CEP170B: variants seen among roughly 807,000 people sequenced by gnomAD.
CEP170B encodes the protein centrosomal protein of 170 kDa protein B.
A neutral mutation model predicts 120.6 loss-of-function variants in CEP170B; 55 were observed. That is an observed-to-expected ratio of 0.46 (90% confidence interval 0.37 to 0.57). CEP170B has a LOEUF of 0.57. Among genes scored for constraint, CEP170B ranks in the 20% least tolerant of loss-of-function variants. The probability of loss-of-function intolerance (pLI) is 0.00; values close to 1 mark genes in which losing one functional copy is unlikely to be tolerated. For synonymous variants in CEP170B, 1,033 were observed against 954.5 expected, an observed-to-expected ratio of 1.08 and a Z score of -1.52; for missense variants, 2,212 against 2,253.3, an observed-to-expected ratio of 0.98 and a Z score of 0.37.
In CEP170B at chr14:104,876,330, G is replaced by C; in HGVS notation, c.180G>C (p.Leu60=). The C allele has an allele frequency of 6.4e-7, 1 of 1,550,848 alleles. No homozygotes were observed. The highest frequency in any genetic ancestry group is 1.2e-5 in the South Asian group (1 of 84,064). The change falls in exon 3 of 19, where the codon CTG becomes CTC. Residue 60 remains leucine (L), a synonymous_variant. Coordinates refer to ENST00000414716, the MANE Select transcript of CEP170B (RefSeq NM_001112726.3). ...GGGACGAGCACTGGGTGAAGGACCT[G>C]GGCAGCCTCAATGGGGTAAGTGTGA... ...QDRDEHWVKD[L]GSLNGTFVND... is the part of the protein sequence containing the mutation.
intron 5 of CEP170B, among the ~76,000 whole-genome samples, chr14:104,879,369 C>T (rs1334648999): frequency 1.3e-5 from 2 of 152,068 alleles, no homozygotes; most frequent in Admixed American, 6.5e-5. Context: ...TCCAGGTTAA[C>T]GGATTTGAGT....
chr14:104,868,605 C>A lies in CEP170B; in HGVS notation c.105+50C>A. 1 of 1,504,566 alleles carries A rather than the reference C, an allele frequency of 6.6e-7. No homozygotes were observed. Among genetic ancestry groups the A allele is most frequent in the Non-Finnish European group, 9.0e-7 (1 of 1,114,810 alleles). 93.2% of individuals were successfully genotyped at this position (1,504,566 alleles called of 1,614,324 possible). A position where few individuals can be genotyped will look rare whatever the true frequency, so the allele number is the denominator to read the frequency against. On this transcript the variant is annotated intron_variant, in intron 2 of 18. Coordinates refer to ENST00000414716, the MANE Select transcript of CEP170B (RefSeq NM_001112726.3). The surrounding 1 kb of genome is among the most constrained non-coding windows in gnomAD (Gnocchi z 5.9). ...GGAGGGTAGGGGGTAGACAGTCTGT[C>A]CCTGTGGAGGCCAGGAAGGTGCCCA...
intron 9 of CEP170B, 87 bp from the exon 10 acceptor site, chr14:104,885,282 T>TG: frequency 7.1e-7 from 1 of 1,408,648 alleles, no homozygotes; most frequent in Non-Finnish European, 9.4e-7. Flanking sequence ...CTGCTCTCCC[T>TG]GTGGCCTGGG....
intron 3 of CEP170B, among the ~76,000 whole-genome samples, chr14:104,876,701 G>A (rs533966422): frequency 6.6e-5 from 10 of 152,360 alleles, no homozygotes; most frequent in African/African-American, 2.4e-4. Context: ...GGCCGCCAAG[G>A]ATCAGGCTGC....
At position 104,886,041 on chromosome 14, in the gene CEP170B, G is replaced by T; in HGVS notation, c.1946G>T (p.Gly649Val). The T allele has an allele frequency of 6.5e-7, 1 of 1,535,034 alleles. No individual in the cohort carries two copies. Among genetic ancestry groups the T allele is most frequent in the Non-Finnish European group, 8.8e-7 (1 of 1,140,030 alleles). Reference protein sequence around the residue: ...LGAAPQAEHQGLPVPGSPGGQ... With the variant: ...LGAAPQAEHQVLPVPGSPGGQ... ...ACACTCCCACCCTCCTCTCCACAGG[G>T]CCTCCCGGTGCCGGGCTCCCCTGGG... The change falls in exon 11 of 19, where the codon GGC becomes GTC. Residue 649 changes from glycine to valine, a missense_variant and splice_region_variant. Around this residue, in one of 2 missense-constraint regions of CEP170B, gnomAD observed 2,166 missense variants for 2,166.7 expected, o/e 1.00. Transcript: ENST00000414716.
intron 13 of CEP170B, among the ~76,000 whole-genome samples, chr14:104,890,893 G>GTGGATGGAGGGATGGA (rs1566873732): frequency 7.4e-6 from 1 of 134,646 alleles, no homozygotes; most frequent in Non-Finnish European, 1.6e-5. Context: ...GAGTGGGTGG[G>GTGGATGGAGGGATGGA]TGGATGGAGG....
At chr14:104,871,299 G>T (rs149998436) in intron 2 of CEP170B, among the ~76,000 whole-genome samples, 1 of 152,000 alleles carries the variant, frequency 6.6e-6, no homozygotes, top group Non-Finnish European at 1.5e-5. Context: ...TCCCAAGCTC[G>T]GTGGCTGAAC....
rs1322239969 is a variant in CEP170B, at chr14:104,894,697, C to T, written c.4418-14C>T. ...AACTGGATCCGCAGCCTGACCCTCCCTCCCCACCTCCAGTTATCAATGCCA... is the reference window on the plus strand; with the variant it reads ...AACTGGATCCGCAGCCTGACCCTCCTTCCCCACCTCCAGTTATCAATGCCA... On this transcript the variant is annotated splice_polypyrimidine_tract_variant and intron_variant, in intron 18 of 18. Coordinates refer to ENST00000414716, the MANE Select transcript of CEP170B (RefSeq NM_001112726.3). 3 of 1,571,548 alleles carry T rather than the reference C, an allele frequency of 1.9e-6. No individual in the cohort carries two copies. The highest frequency in any genetic ancestry group is 2.6e-6 in the Non-Finnish European group (3 of 1,156,122).
At chr14:104,888,960 G>T (rs990925547) in intron 12 of CEP170B, among the ~76,000 whole-genome samples, 1 of 152,248 alleles carries the variant, frequency 6.6e-6, no homozygotes, top group South Asian at 2.1e-4. Flanking sequence ...TCGCCATCAT[G>T]CCCCGCTACA....
Position 104,886,981 on chromosome 14 carries a change from G to C in CEP170B, c.2742G>C (p.Leu914Phe), listed in dbSNP as rs1203649502. 6.2e-7 allele frequency: 1 copy of C among 1,609,102 alleles called. No individual in the cohort carries two copies. Among genetic ancestry groups the C allele is most frequent in the Non-Finnish European group, 8.5e-7 (1 of 1,179,824 alleles). The change falls in exon 12 of 19, where the codon TTG becomes TTC. Residue 914 changes from leucine (L) to phenylalanine (F), a missense_variant. By Grantham distance (22) the Leu-to-Phe change is conservative. This residue lies in a region of CEP170B where 2,166 missense variants were observed against 2,166.7 expected (regional missense o/e 1.00). Coordinates refer to ENST00000414716, the MANE Select transcript of CEP170B (RefSeq NM_001112726.3). The part of the protein sequence containing the change: ...DFHSQDTHLI[L>F]KETETALAAL... Reference sequence around the variant, plus strand: ...ACTCCCAGGACACCCACCTGATCTTGAAGGAGACGGAGACGGCCCTGGCGG... The same window carrying C: ...ACTCCCAGGACACCCACCTGATCTTCAAGGAGACGGAGACGGCCCTGGCGG...
chr14:104,874,547 C>T (rs1421833891), intron 2 of CEP170B, among the ~76,000 whole-genome samples: 2 of 152,102 alleles, frequency 1.3e-5, no homozygotes, highest in Non-Finnish European at 2.9e-5. Flanking sequence ...GGGATGGCTG[C>T]ACCCAGGACC....
Position 104,887,452 on chromosome 14 carries a change from C to T in CEP170B, c.3213C>T (p.Thr1071=), listed in dbSNP as rs774790146. 1.1e-5 allele frequency: 17 copies of T among 1,611,292 alleles called. No homozygotes were observed. In the South Asian group the frequency reaches 1.4e-4, roughly 14 times the overall value. ...MASNHETPEA[T]GAGRLGSRRK... ...CCAACCACGAAACCCCTGAGGCCAC[C>T]GGGGCAGGACGGCTAGGTTCTCGCC... Residue 1071 remains threonine (T), a synonymous_variant, in exon 12 of 19, where the codon ACC becomes ACT. Coordinates refer to ENST00000414716, the MANE Select transcript of CEP170B (RefSeq NM_001112726.3).
intron 2 of CEP170B, among the ~76,000 whole-genome samples, chr14:104,869,564 C>T (rs571824756): frequency 2.8e-4 from 43 of 152,278 alleles, no homozygotes; most frequent in Admixed American, 9.1e-4. Context: ...CCTGCTGTGG[C>T]GGGAAGGTTT....
At position 104,883,315 on chromosome 14, in the gene CEP170B, T is replaced by C; in HGVS notation, c.858T>C (p.His286=). ...CTGGCAAGATGAAGATCAAGGACCA[T>C]ATCACCAAGTTTTCCCTGCGCCAGC... The part of the protein sequence containing the change: ...CSPGKMKIKD[H]ITKFSLRQRR... The change falls in exon 8 of 19, where the codon CAT becomes CAC. Residue 286 remains histidine, a synonymous_variant. Coordinates refer to ENST00000414716, the MANE Select transcript of CEP170B (RefSeq NM_001112726.3). 1.2e-6 allele frequency: 2 copies of C among 1,612,002 alleles called. No individual in the cohort carries two copies. Among genetic ancestry groups the C allele is most frequent in the Non-Finnish European group, 1.7e-6 (2 of 1,179,714 alleles).
chr14:104,890,586 ATGGGTGAGTGAGTGGG>A (rs1566873378), intron 13 of CEP170B, among the ~76,000 whole-genome samples: 25 of 91,358 alleles, frequency 2.7e-4, no homozygotes, highest in African/African-American at 8.2e-4. Flanking sequence ...GGATGGATGG[ATGGGTGAGTGAGTGGG>A]TGGATGGATG....
rs1400558955 is a variant in CEP170B, at chr14:104,895,752, GC to G, written c.*796del. 6.6e-6 allele frequency: 1 copy of G among 152,628 alleles called. No homozygotes were observed. The highest frequency in any genetic ancestry group is 1.5e-5 in the Non-Finnish European group (1 of 68,218). The allele number at this position is 152,628 out of a possible 1,614,324, so 9.5% of individuals were successfully genotyped here. On this transcript the variant is annotated 3_prime_UTR_variant, in exon 19 of 19. Transcript: ENST00000414716. ...GGCATGTCCCCGTGAGGGGCTATGGGCCTCTGTAGGTGGGCTTCCAAGGTCC... is the reference window on the plus strand; with the variant it reads ...GGCATGTCCCCGTGAGGGGCTATGGGCTCTGTAGGTGGGCTTCCAAGGTCC...
rs370341304 is a variant in CEP170B, at chr14:104,880,376, C to G, written c.423C>G (p.Cys141Trp). 1 of 1,612,584 alleles carries G rather than the reference C, an allele frequency of 6.2e-7. No individual in the cohort carries two copies. The highest frequency in any genetic ancestry group is 1.1e-5 in the South Asian group (1 of 91,004). Residue 141 changes from cysteine (C) to tryptophan (W), a missense_variant, in exon 6 of 19, where the codon TGC becomes TGG. Physicochemically the swap from Cys to Trp is radical, Grantham distance 215 (BLOSUM62 -2). Transcript: ENST00000414716. The part of the protein sequence containing the change: ...SEALPEHTPY[C>W]EASNPRPEKG... Reference sequence around the variant, plus strand: ...CACTGCCGGAACACACACCATACTGCGAGGCCTCGAACCCCAGGCCGGAGA... The same window carrying G: ...CACTGCCGGAACACACACCATACTGGGAGGCCTCGAACCCCAGGCCGGAGA...
rs755824753 is a variant in CEP170B at position 104,894,836 on chromosome 14, G to A, written c.4543G>A (p.Ala1515Thr). 9.9e-6 allele frequency: 16 copies of A among 1,609,082 alleles called. No individual in the cohort carries two copies. The highest frequency in any genetic ancestry group is 4.5e-5 in the East Asian group (2 of 44,802). Residue 1515 changes from alanine (A) to threonine (T), a missense_variant, in exon 19 of 19, where the codon GCC (alanine) becomes ACC (threonine). By Grantham distance (58) the Ala-to-Thr change is moderately conservative. This residue lies in a region of CEP170B where 2,166 missense variants were observed against 2,166.7 expected (regional missense o/e 1.00). Transcript: ENST00000414716. ...RVAAQSPPSPASAEALLPALP... is the reference protein window; with the variant it reads ...RVAAQSPPSPTSAEALLPALP... ...GGCTGCCCAGAGCCCACCCTCACCC[G>A]CCTCAGCCGAGGCCCTGCTGCCAGC...
chr14:104,865,774 C>A lies in CEP170B; in HGVS notation c.-28+261C>A, dbSNP rs1409842789. 2.6e-5 allele frequency among the ~76,000 whole-genome samples: 4 copies of A among 152,102 alleles called. No homozygotes were observed. The highest frequency in any genetic ancestry group is 1.3e-4 in the Admixed American group (2 of 15,286). On this transcript the variant is annotated intron_variant, in intron 1 of 18. Coordinates refer to ENST00000414716, the MANE Select transcript of CEP170B (RefSeq NM_001112726.3). This position sits in a 1 kb window ranked among gnomAD's most constrained non-coding sequence, Gnocchi z 6.7. Reference sequence around the variant, plus strand: ...AAGCCTGGGCACCCGGGTCCCCGCCCCGGCACCGGCTCGGCCATGGCCGCC... The same window carrying A: ...AAGCCTGGGCACCCGGGTCCCCGCCACGGCACCGGCTCGGCCATGGCCGCC...
Sources: gnomAD v4.1 joint callset for allele counts (sites outside exome capture counted in the v4.1 genomes callset) on GRCh38, gnomAD v4.1.1 for gene constraint, gnomAD v4.1.1 regional missense constraint, Gnocchi (gnomAD v3.1) non-coding constraint, MANE v1.5 for transcripts, NCBI Gene and HGNC (gene_info 2026-07-23, HGNC 2026-07-21) for gene names.